The following ANKS3 variants were observed in gnomAD, a reference collection of about 807,000 sequenced individuals.
ANKS3 encodes the protein ankyrin repeat and sterile alpha motif domain containing 3.
Under a neutral mutation model 80.7 loss-of-function variants are expected in ANKS3, and 62 were observed. The ratio of observed to expected loss-of-function variants is 0.77; its 90% confidence interval spans 0.63 to 0.95. The LOEUF is 0.95. Among genes scored for constraint, ANKS3 ranks in the 40% least tolerant of loss-of-function variants. The pLI, the probability that ANKS3 is intolerant of heterozygous loss-of-function variation, is 0.00. For synonymous variants in ANKS3, 489 were observed against 355.3 expected (o/e 1.38, Z -4.23); for missense variants, 1,150 against 883.6 (o/e 1.30, Z -3.82).
chr16:4,707,650 A>C (rs750910310), intron 7 of ANKS3, among the ~76,000 whole-genome samples: 63 of 152,172 alleles, frequency 4.1e-4, no homozygotes, highest in Non-Finnish European at 5.4e-4. Context: ...ATCTGTCACC[A>C]AAAAATGCAC....
intron 14 of ANKS3, 48 bp downstream of exon 14, chr16:4,698,379 G>A: frequency 6.9e-7 from 1 of 1,439,786 alleles, no homozygotes; most frequent in Non-Finnish European, 9.1e-7. Flanking sequence ...CAGGGGCCAG[G>A]TGGCTGACCA....
intron 7 of ANKS3, among the ~76,000 whole-genome samples, chr16:4,709,944 G>T (rs1277907037): frequency 6.6e-6 from 1 of 152,166 alleles, no homozygotes; most frequent in Non-Finnish European, 1.5e-5. Context: ...CCAGGAATTG[G>T]AGGCTGCAGT....
Position 4,701,015 on chromosome 16 carries a change from A to G in ANKS3, c.1239T>C (p.Ala413=). Residue 413 remains alanine, a synonymous_variant, in exon 11 of 18, where the codon GCT becomes GCC. Coordinates refer to ENST00000304283, the MANE Select transcript of ANKS3 (RefSeq NM_133450.4). ...RAATDREGFL[A]ESSPQTQRAP... ...CCCTCTGAGTCTGGGGGCTGGACTC[A>G]GCGAGAAAGCCTTCCCTGTCAGTTG... 6.2e-7 allele frequency: 1 copy of G among 1,614,076 alleles called. No individual in the cohort carries two copies. Among genetic ancestry groups the G allele is most frequent in the Non-Finnish European group, 8.5e-7 (1 of 1,180,000 alleles).
Position 4,714,204 on chromosome 16 carries a change from A to G in ANKS3, c.574-18T>C, listed in dbSNP as rs2080651705. 16 of 1,613,020 alleles carry G rather than the reference A, an allele frequency of 9.9e-6. No homozygotes were observed. The highest frequency in any genetic ancestry group is 1.1e-5 in the Non-Finnish European group (13 of 1,179,488). ...TTGACTCCCTGTGAATGTCCGTGAA[A>G]GGGGGTTAGGGGCCTCTCCTTCAAA... On this transcript the variant is annotated intron_variant, in intron 6 of 17. Transcript: ENST00000304283.
chr16:4,729,942 G>C (rs1285925913), intron 3 of ANKS3, 38 bp downstream of exon 3: 1 of 1,447,594 alleles, frequency 6.9e-7, no homozygotes, highest in Non-Finnish European at 9.2e-7. Context: ...TCACTGCGCT[G>C]CTCAAAATGT....
chr16:4,727,042 C>A lies in ANKS3; in HGVS notation c.306G>T (p.Gly102=). ...TGGAGGCCAGCATCAGTGGAGTCTG[C>A]CCTTCTGGGGTCGGCACATTCACAC... ...GVSVNVPTPE[G]QTPLMLASSC... Residue 102 remains glycine, a synonymous_variant, in exon 4 of 18, where the codon GGG becomes GGT. Coordinates refer to ENST00000304283, the MANE Select transcript of ANKS3 (RefSeq NM_133450.4). 2 of 1,614,166 alleles carry A rather than the reference C, an allele frequency of 1.2e-6. No homozygotes were observed. Among genetic ancestry groups the A allele is most frequent in the Non-Finnish European group, 1.7e-6 (2 of 1,180,038 alleles).
At chr16:4,705,640 T>C (rs1388747188) in intron 7 of ANKS3, among the ~76,000 whole-genome samples, 1 of 152,100 alleles carries the variant, frequency 6.6e-6, no homozygotes. Context: ...TTTTTTTTCT[T>C]TTCTTTTTCA....
chr16:4,701,670 T>C (rs1468260740), intron 9 of ANKS3, 127 bp from the exon 10 acceptor site: 2 of 747,944 alleles, frequency 2.7e-6, no homozygotes, highest in Non-Finnish European at 4.2e-6. Flanking sequence ...TCCTTATATT[T>C]CAAACTTCCT....
intron 5 of ANKS3, among the ~76,000 whole-genome samples, chr16:4,725,546 G>A (rs1219326924): frequency 6.6e-6 from 1 of 152,190 alleles, no homozygotes; most frequent in African/African-American, 2.4e-5. Flanking sequence ...TAGAATGAAT[G>A]ACAGCCAGGG....
rs528222353 is a variant in ANKS3 at position 4,721,304 on chromosome 16, C to CA, written c.573+3445dup. Among the ~76,000 whole-genome samples, 715 of 75,166 alleles carry CA rather than the reference C, an allele frequency of 9.5e-3. 5 individuals carry two copies. Among genetic ancestry groups the CA allele is most frequent in the African/African-American group, 0.025 (514 of 20,832 alleles). 49.3% of individuals were successfully genotyped at this position (75,166 alleles called of 152,430 possible). ...TGGGCAACAGAGCAAGACGCCATCT[C>CA]AAAAAAAAAAAAAAAAGAGAGGGGC... On this transcript the variant is annotated intron_variant, in intron 6 of 17. Transcript: ENST00000304283.
In ANKS3 at chr16:4,711,850, G is replaced by A. The variant is rs953104049; in HGVS notation, c.709+2201C>T. Among the ~76,000 whole-genome samples the A allele has an allele frequency of 2.6e-5, 4 of 151,986 alleles. No homozygotes were observed. In the South Asian group the frequency reaches 6.2e-4, roughly 24 times the overall value. On this transcript the variant is annotated intron_variant, in intron 7 of 17. Transcript: ENST00000304283. Reference sequence around the variant, plus strand: ...CTGACCCCATAAGAAAAGAAAGTATGAGGAGGCCAATCTCTATAGAAGAAA... The same window carrying A: ...CTGACCCCATAAGAAAAGAAAGTATAAGGAGGCCAATCTCTATAGAAGAAA...
At chr16:4,707,240 G>A (rs1482631736) in intron 7 of ANKS3, among the ~76,000 whole-genome samples, 1 of 150,646 alleles carries the variant, frequency 6.6e-6, no homozygotes, top group Non-Finnish European at 1.5e-5. Context: ...TATCAACGTG[G>A]AATTCAGGGC....
In ANKS3 at chr16:4,699,246, C is replaced by G. The variant is rs1394252029; in HGVS notation, c.1285-70G>C. On this transcript the variant is annotated intron_variant, in intron 11 of 17. Coordinates refer to ENST00000304283, the MANE Select transcript of ANKS3 (RefSeq NM_133450.4). Reference sequence around the variant, plus strand: ...CGAAGCAGAGACGTTTTCCTCCACTCGGAGCCCCACCACTTCCCCAGGCTC... The same window carrying G: ...CGAAGCAGAGACGTTTTCCTCCACTGGGAGCCCCACCACTTCCCCAGGCTC... The G allele has an allele frequency of 3.2e-6, 5 of 1,557,746 alleles. No individual in the cohort carries two copies. In the African/African-American group the frequency reaches 5.4e-5, roughly 17 times the overall value.
chr16:4,699,148 C>G lies in ANKS3; in HGVS notation c.1313G>C (p.Gly438Ala), dbSNP rs1249615874. ...AAACACCTGCAGGTACTTCAGACAC[C>G]CGATCTGCTCCAGCAGTGCGGCAAG... ...QDLAALLEQIGCLKYLQVFEE... is the reference protein window; with the variant it reads ...QDLAALLEQIACLKYLQVFEE... Residue 438 changes from glycine to alanine, a missense_variant, in exon 12 of 18, where the codon GGG becomes GCG. Gly to Ala is a moderately conservative substitution (Grantham distance 60). Coordinates refer to ENST00000304283, the MANE Select transcript of ANKS3 (RefSeq NM_133450.4). 1 of 1,614,080 alleles carries G rather than the reference C, an allele frequency of 6.2e-7. No homozygotes were observed. The highest frequency in any genetic ancestry group is 8.5e-7 in the Non-Finnish European group (1 of 1,180,022).
chr16:4,726,714 C>T lies in ANKS3; in HGVS notation c.436G>A (p.Gly146Arg), dbSNP rs755607970. The T allele has an allele frequency of 3.7e-6, 6 of 1,614,122 alleles. No homozygotes were observed. Among genetic ancestry groups the T allele is most frequent in the East Asian group, 4.5e-5 (2 of 44,892 alleles). Reference protein sequence around the residue: ...WTALFHCTSAGHQHMVRFLLD... With the variant: ...WTALFHCTSARHQHMVRFLLD... The stretch of plus-strand genomic sequence containing the variant: ...AGGAACCTGACCATGTGCTGGTGCC[C>T]GGCGCTGGTACAGTGGAAGAGGGCT... The change falls in exon 5 of 18, where the codon GGG becomes AGG. Residue 146 changes from glycine (G) to arginine (R), a missense_variant. By Grantham distance (125) the Gly-to-Arg change is moderately radical. Transcript: ENST00000304283.
At position 4,724,821 on chromosome 16, in the gene ANKS3, A is replaced by C. The variant is rs62036061; in HGVS notation, c.502T>G (p.Cys168Gly). Residue 168 changes from cysteine to glycine, a missense_variant, in exon 6 of 18, where the codon TGT (cysteine) becomes GGT (glycine). Coordinates refer to ENST00000304283, the MANE Select transcript of ANKS3 (RefSeq NM_133450.4). ...GANANVREPI[C>G]GFTPLMEAAA... is the part of the protein sequence containing the mutation. The stretch of plus-strand genomic sequence containing the variant: ...GCTTCCATCAAGGGAGTAAATCCAC[A>C]TATCGGCTCCCTGCAAGATGTGGGC... 3.5e-3 allele frequency: 5,609 copies of C among 1,614,072 alleles called. 15 individuals are homozygous for C. The highest frequency in any genetic ancestry group is 4.1e-3 in the Non-Finnish European group (4,792 of 1,179,968).
In ANKS3 at chr16:4,714,158, C is replaced by A; in HGVS notation, c.602G>T (p.Ser201Ile). Residue 201 changes from serine (S) to isoleucine (I), a missense_variant, in exon 7 of 18, where the codon AGT becomes ATT. Physicochemically the swap from Ser to Ile is moderately radical, Grantham distance 142. Transcript: ENST00000304283. ...HGVKVDARDH[S>I]GATARMLAKQ... ...GGCCAGCATCCGGGCTGTGGCTCCA[C>A]TGTGGTCTCTCGCGTCCACCTTGAC... is the stretch of plus-strand genomic sequence containing the variant. 6.2e-7 allele frequency: 1 copy of A among 1,614,172 alleles called. No individual in the cohort carries two copies. Among genetic ancestry groups the A allele is most frequent in the Non-Finnish European group, 8.5e-7 (1 of 1,180,026 alleles).
intron 7 of ANKS3, among the ~76,000 whole-genome samples, chr16:4,712,758 T>C (rs1371606368): frequency 6.6e-6 from 1 of 152,120 alleles, no homozygotes; most frequent in Non-Finnish European, 1.5e-5. Flanking sequence ...GTAAGGAGGC[T>C]CACTATCTCC....
intron 16 of ANKS3, 64 bp downstream of exon 16, chr16:4,697,269 G>C: frequency 6.4e-7 from 1 of 1,553,768 alleles, no homozygotes; most frequent in Admixed American, 1.8e-5. Flanking sequence ...TCCCTGGAAA[G>C]GGGTCCCTTT....
Sources: gnomAD v4.1 joint callset for allele counts (sites outside exome capture counted in the v4.1 genomes callset) on GRCh38, gnomAD v4.1.1 for gene constraint, MANE v1.5 for transcripts, NCBI Gene and HGNC (gene_info 2026-07-23, HGNC 2026-07-21) for gene names.